CGRRF1: variants seen among roughly 807,000 people sequenced by gnomAD.
CGRRF1 encodes the protein cell growth regulator with ring finger domain 1.
In CGRRF1, 32 loss-of-function variants were observed where a neutral mutation model predicts 37.2. The ratio of observed to expected loss-of-function variants is 0.86; its 90% CI spans 0.65 to 1.16. The LOEUF (loss-of-function observed/expected upper bound fraction) is 1.16. Among genes scored for constraint, CGRRF1 ranks in the 50% most tolerant of loss-of-function variants. The pLI, the probability that CGRRF1 is intolerant of heterozygous loss-of-function variation, is 0.00. For synonymous variants in CGRRF1, 141 were observed against 140.3 expected (o/e 1.00, Z -0.04); for missense variants, 391 against 382.6 (o/e 1.02, Z -0.18).
rs2032502534 is a variant in CGRRF1 at position 54,530,890 on chromosome 14, C to T, written c.423-13C>T. 1 of 1,562,588 alleles carries T rather than the reference C, an allele frequency of 6.4e-7. No homozygotes were observed. Among genetic ancestry groups the T allele is most frequent in the Non-Finnish European group, 8.8e-7 (1 of 1,138,392 alleles). ...TGGTTATAGTGGCAATTTACCTTTA[C>T]ATTTTCAAAAAGTATTAAAAAGGAT... On this transcript the variant is annotated splice_polypyrimidine_tract_variant and intron_variant, in intron 3 of 5. Transcript: ENST00000216420.
intron 4 of CGRRF1, among the ~76,000 whole-genome samples, chr14:54,531,362 A>G (rs888744628): frequency 1.2e-4 from 18 of 152,104 alleles, no homozygotes; most frequent in African/African-American, 3.9e-4. Context: ...GTGTAACAGT[A>G]CCTTCAGAGT....
In CGRRF1 at chr14:54,530,227, G is replaced by T. The variant is rs1168331429; in HGVS notation, c.422+1G>T. On this transcript the variant is annotated splice_donor_variant, in intron 3 of 5. Transcript: ENST00000216420. LOFTEE classifies it high-confidence loss of function. ...AATATCTCTATCAGGAACAGTATTT[G>T]TATCCTTTCGTCTGATATACCCATT... 2 of 1,592,690 alleles carry T rather than the reference G, an allele frequency of 1.3e-6. No homozygotes were observed. The highest frequency in any genetic ancestry group is 2.3e-5 in the East Asian group (1 of 44,094).
At chr14:54,536,247 G>T (rs1331578364) in intron 4 of CGRRF1, 2 of 151,436 alleles carry the variant, frequency 1.3e-5, no homozygotes, top group African/African-American at 4.8e-5. Context: ...AGTTTGCAGA[G>T]ATTGTCTTCA....
rs777158979 is a variant in CGRRF1, at chr14:54,538,393, A to G, written c.*10A>G. On this transcript the variant is annotated 3_prime_UTR_variant, in exon 6 of 6. Transcript: ENST00000216420. ...ACCGAAGACTCTTTGAAGACATCGT[A>G]ACACTGAAAAGTACACTTTCTACTA... The G allele has an allele frequency of 6.3e-7, 1 of 1,577,356 alleles. No homozygotes were observed. Among genetic ancestry groups the G allele is most frequent in the South Asian group, 1.1e-5 (1 of 87,434 alleles).
intron 1 of CGRRF1, among the ~76,000 whole-genome samples, chr14:54,516,858 T>C (rs1248893218): frequency 6.6e-6 from 1 of 152,212 alleles, no homozygotes; most frequent in Non-Finnish European, 1.5e-5. Context: ...GTCTTTTTCC[T>C]TTCTGTGTTT....
intron 1 of CGRRF1, among the ~76,000 whole-genome samples, chr14:54,513,723 T>A (rs1444050407): frequency 6.6e-6 from 1 of 152,108 alleles, no homozygotes; most frequent in African/African-American, 2.4e-5. Context: ...TCCAGCACTT[T>A]GGGAGGCTGA....
intron 4 of CGRRF1, among the ~76,000 whole-genome samples, chr14:54,534,201 T>C (rs2032565156): frequency 6.6e-6 from 1 of 152,170 alleles, no homozygotes; most frequent in Admixed American, 6.5e-5. Flanking sequence ...CTCAGCTCAC[T>C]GTAGCCTCTG....
At chr14:54,515,097 T>G (rs200297346) in intron 1 of CGRRF1, among the ~76,000 whole-genome samples, 14 of 149,112 alleles carry the variant, frequency 9.4e-5, no homozygotes, top group South Asian at 2.1e-4. Context: ...TTTGTTTTTT[T>G]TTTTTTTTTT....
chr14:54,536,615 A>T (rs1332161337), intron 4 of CGRRF1: 1 of 152,150 alleles, frequency 6.6e-6, no homozygotes, highest in African/African-American at 2.4e-5. Context: ...TTTTAATTAA[A>T]CATCTTTTAA....
chr14:54,514,325 A>T (rs2032181483), intron 1 of CGRRF1, among the ~76,000 whole-genome samples: 1 of 152,216 alleles, frequency 6.6e-6, no homozygotes, highest in Admixed American at 6.5e-5. Flanking sequence ...GATCATATTT[A>T]TTCATCTGGG....
At chr14:54,528,125 C>T (rs185926870) in intron 2 of CGRRF1, among the ~76,000 whole-genome samples, 1 of 151,722 alleles carries the variant, frequency 6.6e-6, no homozygotes, top group Non-Finnish European at 1.5e-5. Flanking sequence ...ATTTTCTCTA[C>T]CTTGCTTTTT....
chr14:54,512,435 T>G (rs1197214886), intron 1 of CGRRF1, among the ~76,000 whole-genome samples: 1 of 152,204 alleles, frequency 6.6e-6, no homozygotes, highest in Non-Finnish European at 1.5e-5. Context: ...AAAAGTCCAT[T>G]TACATCCTTT....
chr14:54,511,656 G>A lies in CGRRF1; in HGVS notation c.104+1593G>A, dbSNP rs560527784. ...GGAAGAGGGTAGTCAGGAGCCTCAT[G>A]TTTGTAGTGGTTAACAGACAGACTT... On this transcript the variant is annotated intron_variant, in intron 1 of 5. Coordinates refer to ENST00000216420, the MANE Select transcript of CGRRF1 (RefSeq NM_006568.3). Among the ~76,000 whole-genome samples, 8 of 152,358 alleles carry A rather than the reference G, an allele frequency of 5.3e-5. No homozygotes were observed. The East Asian group carries it at 5.8e-4, about 11-fold the overall frequency.
intron 1 of CGRRF1, among the ~76,000 whole-genome samples, chr14:54,515,341 G>C (rs1033377430): frequency 6.6e-6 from 1 of 151,654 alleles, no homozygotes; most frequent in African/African-American, 2.4e-5. Context: ...ATCTGCCCGC[G>C]ATGACCTCCC....
chr14:54,513,699 T>C (rs1293824292), intron 1 of CGRRF1, among the ~76,000 whole-genome samples: 2 of 152,064 alleles, frequency 1.3e-5, no homozygotes, highest in African/African-American at 4.8e-5. Context: ...TGATTTTGGC[T>C]CACTGCCTAT....
chr14:54,518,135 T>C (rs139868298), intron 1 of CGRRF1, among the ~76,000 whole-genome samples: 1 of 152,340 alleles, frequency 6.6e-6, no homozygotes, highest in East Asian at 1.9e-4. Context: ...TTTGGGTATA[T>C]ACTCAGTAAT....
chr14:54,531,033 C>T lies in CGRRF1; in HGVS notation c.553C>T (p.Arg185Trp), dbSNP rs34839928. 8.8e-3 allele frequency: 14,116 copies of T among 1,608,624 alleles called. 96 individuals are homozygous for T. Among genetic ancestry groups the T allele is most frequent in the Admixed American group, 0.012 (734 of 58,852 alleles). Residue 185 changes from arginine to tryptophan, a missense_variant, in exon 4 of 6, where the codon CGG becomes TGG. By Grantham distance (101) the Arg-to-Trp change is moderately radical. Coordinates refer to ENST00000216420, the MANE Select transcript of CGRRF1 (RefSeq NM_006568.3). Reference protein sequence around the residue: ...ALLTLADEDDREIYDIISMVS... With the variant: ...ALLTLADEDDWEIYDIISMVS... ...ATTGACCTTAGCTGATGAGGATGACCGGGAAATTTATGATATTGTAAGTAA... is the reference window on the plus strand; with the variant it reads ...ATTGACCTTAGCTGATGAGGATGACTGGGAAATTTATGATATTGTAAGTAA...
chr14:54,514,234 G>T (rs1319182509), intron 1 of CGRRF1, among the ~76,000 whole-genome samples: 2 of 152,126 alleles, frequency 1.3e-5, no homozygotes, highest in Non-Finnish European at 2.9e-5. Context: ...GCAAAATTTT[G>T]CTAATTTATA....
intron 1 of CGRRF1, among the ~76,000 whole-genome samples, chr14:54,518,454 G>T (rs368003874): frequency 2.7e-4 from 41 of 151,986 alleles, no homozygotes; most frequent in African/African-American, 9.9e-4. Flanking sequence ...GGAGGCTGAG[G>T]CAGGAGAATC....
Sources: allele counts gnomAD v4.1 joint callset (sites outside exome capture counted in the v4.1 genomes callset), GRCh38; gene constraint gnomAD v4.1.1; transcripts MANE v1.5; gene names NCBI Gene and HGNC (gene_info 2026-07-23, HGNC 2026-07-21).